The following ST18 variants were observed in gnomAD, a reference collection of about 807,000 sequenced individuals.
ST18 encodes ST18 C2H2C-type zinc finger transcription factor.
ST18 carries 50 observed loss-of-function variants against 110.0 expected under a neutral mutation model. The ratio of observed to expected loss-of-function variants is 0.45; its 90% CI spans 0.36 to 0.58. The LOEUF is 0.58. Among genes scored for constraint, ST18 ranks in the 20% least tolerant of loss-of-function variants. The pLI is 0.00. For synonymous variants in ST18, 461 were observed against 452.4 expected (o/e 1.02, Z -0.24); for missense variants, 1,306 against 1,280.1 (o/e 1.02, Z -0.31).
At chr8:52,209,791 ATATAT>A (rs2081522727) in intron 8 of ST18, among the ~76,000 whole-genome samples, 71 of 42,016 alleles carry the variant, frequency 1.7e-3, no homozygotes, top group African/African-American at 3.7e-3. Flanking sequence ...AAAAAAAAAT[ATATAT>A]ATATATATAT....
chr8:52,198,657 T>C (rs929086103), intron 8 of ST18, among the ~76,000 whole-genome samples: 3 of 152,224 alleles, frequency 2.0e-5, no homozygotes, highest in Non-Finnish European at 4.4e-5. Context: ...TATGTGTATA[T>C]AAATGTATGT....
chr8:52,221,185 G>A (rs1289066715), intron 4 of ST18, among the ~76,000 whole-genome samples: 3 of 151,838 alleles, frequency 2.0e-5, no homozygotes, highest in Non-Finnish European at 4.4e-5. Context: ...TTAGATAAGA[G>A]GGACTCTTAA....
intron 8 of ST18, among the ~76,000 whole-genome samples, chr8:52,189,361 C>T (rs982567405): frequency 6.6e-6 from 1 of 152,130 alleles, no homozygotes; most frequent in Non-Finnish European, 1.5e-5. Context: ...CATTTGAAAG[C>T]CTAGAAAAAC....
At chr8:52,236,059 T>G (rs773463788) in intron 2 of ST18, among the ~76,000 whole-genome samples, 2 of 152,184 alleles carry the variant, frequency 1.3e-5, no homozygotes, top group Non-Finnish European at 2.9e-5. Flanking sequence ...TTGGATTAAA[T>G]AGTGGCAGTG....
rs1158213340 is a variant in ST18 at position 52,113,954 on chromosome 8, G to GTTTTTTTTTTTTTTTTTTTT, written c.3004-636_3004-617dup. On this transcript the variant is annotated intron_variant, in intron 25 of 25. Coordinates refer to ENST00000689386, the MANE Select transcript of ST18 (RefSeq NM_001352837.2). Reference sequence around the variant, plus strand: ...CAAAGTTTAAATTTATTCATACCGTGTTTTTTTTTTTTTTTTTTTTTTTTT... The same window carrying GTTTTTTTTTTTTTTTTTTTT: ...CAAAGTTTAAATTTATTCATACCGTGTTTTTTTTTTTTTTTTTTTTTTTTTTTTTTTTTTTTTTTTTTTTT... 1.5e-4 allele frequency among the ~76,000 whole-genome samples: 7 copies of GTTTTTTTTTTTTTTTTTTTT among 45,442 alleles called. 3 individuals are homozygous for GTTTTTTTTTTTTTTTTTTTT. The highest frequency in any genetic ancestry group is 1.9e-4 in the Non-Finnish European group (5 of 26,492). The allele number at this position is 45,442 out of a possible 152,430, so 29.8% of individuals were successfully genotyped here.
At chr8:52,363,197 C>T (rs891303541) in intron 2 of ST18, among the ~76,000 whole-genome samples, 11 of 151,952 alleles carry the variant, frequency 7.2e-5, no homozygotes, top group South Asian at 6.2e-4. Flanking sequence ...GGCGACAGAG[C>T]GAGACTCCAT....
At position 52,235,500 on chromosome 8, in the gene ST18, G is replaced by A. The variant is rs75315674; in HGVS notation, c.-464-5423C>T. The stretch of plus-strand genomic sequence containing the variant: ...CCAGCTGACTAATTGTTATATTAAC[G>A]AAAAAGGGAACTATGATGATGCCCC... On this transcript the variant is annotated intron_variant, in intron 2 of 25. Transcript: ENST00000689386. 7.9e-5 allele frequency among the ~76,000 whole-genome samples: 12 copies of A among 152,014 alleles called. No individual in the cohort carries two copies. In the East Asian group the frequency reaches 1.2e-3, roughly 15 times the overall value.
At chr8:52,406,337 G>A (rs867432407) in intron 2 of ST18, 19 of 152,278 alleles carry the variant, frequency 1.2e-4, no homozygotes, top group Admixed American at 5.9e-4. Flanking sequence ...TCCAACCATT[G>A]CTTCCCAGTG....
At chr8:52,259,748 G>A (rs1441687071) in intron 2 of ST18, among the ~76,000 whole-genome samples, 1 of 152,130 alleles carries the variant, frequency 6.6e-6, no homozygotes, top group Non-Finnish European at 1.5e-5. Context: ...TAGCCATTGA[G>A]CTAGAATTCA....
chr8:52,201,677 T>G (rs1223612770), intron 8 of ST18, among the ~76,000 whole-genome samples: 1 of 152,238 alleles, frequency 6.6e-6, no homozygotes, highest in Non-Finnish European at 1.5e-5. Context: ...CATCCGTGCC[T>G]GGCTGCCCAG....
chr8:52,178,432 G>A (rs2067767639), intron 9 of ST18, among the ~76,000 whole-genome samples: 2 of 151,430 alleles, frequency 1.3e-5, no homozygotes, highest in African/African-American at 4.9e-5. Context: ...TTTGAGACCA[G>A]CTTAGCCAAC....
chr8:52,364,466 C>T (rs1396033863), intron 2 of ST18, among the ~76,000 whole-genome samples: 1 of 152,056 alleles, frequency 6.6e-6, no homozygotes, highest in Non-Finnish European at 1.5e-5. Context: ...ACGCGGTCAG[C>T]ACACTTGCAG....
At position 52,165,188 on chromosome 8, in the gene ST18, C is replaced by A. The variant is rs371786872; in HGVS notation, c.1242G>T (p.Thr414=). ...AMHENVLKCP[T]PGCTGRGHVN... ...CATGACCCCTTCCTGTGCATCCCGG[C>A]GTGGGACACTTGAGCACATTTTCAT... Residue 414 remains threonine (T), a synonymous_variant, in exon 12 of 26, where the codon ACG becomes ACT. Coordinates refer to ENST00000689386, the MANE Select transcript of ST18 (RefSeq NM_001352837.2). The A allele has an allele frequency of 1.2e-6, 2 of 1,614,138 alleles. No individual in the cohort carries two copies. The highest frequency in any genetic ancestry group is 1.7e-6 in the Non-Finnish European group (2 of 1,180,012).
At chr8:52,126,512 T>C (rs1440232626) in intron 22 of ST18, among the ~76,000 whole-genome samples, 2 of 152,234 alleles carry the variant, frequency 1.3e-5, no homozygotes, top group Non-Finnish European at 2.9e-5. Flanking sequence ...ATAAGAATTG[T>C]TCCCAATTAG....
intron 2 of ST18, among the ~76,000 whole-genome samples, chr8:52,238,238 C>T (rs541619621): frequency 3.9e-5 from 6 of 152,166 alleles, no homozygotes; most frequent in East Asian, 3.9e-4. Flanking sequence ...TGAAAACATG[C>T]GTCTACTTGA....
At position 52,142,901 on chromosome 8, in the gene ST18, TAGAGGG is replaced by T. The variant is rs761745821; in HGVS notation, c.2168+23_2168+28del. ...AACTTGAATCTTCATTCCAGAATCT[TAGAGGG>T]CATGGCATTGGGCACCACTTACGTG... On this transcript the variant is annotated intron_variant, in intron 17 of 25. Transcript: ENST00000689386. The T allele has an allele frequency of 2.1e-6, 3 of 1,457,600 alleles. No individual in the cohort carries two copies. The Admixed American group carries it at 5.1e-5, about 25-fold the overall frequency. The allele number at this position is 1,457,600 out of a possible 1,614,324, so 90.3% of individuals were successfully genotyped here. A position where few individuals can be genotyped will look rare whatever the true frequency, so the allele number is the denominator to read the frequency against.
At chr8:52,389,957 G>C (rs1197596271) in intron 2 of ST18, among the ~76,000 whole-genome samples, 1 of 152,046 alleles carries the variant, frequency 6.6e-6, no homozygotes, top group Non-Finnish European at 1.5e-5. Context: ...ACAACAAAAA[G>C]TTTAATTAAA....
At chr8:52,366,534 A>G (rs78580981) in intron 2 of ST18, among the ~76,000 whole-genome samples, 2,678 of 152,204 alleles carry the variant, frequency 0.018, 77 homozygotes, top group East Asian at 0.14. Flanking sequence ...GTTTTCTCTG[A>G]GGACCTTGGC....
At chr8:52,139,021 G>A (rs1374259560) in intron 17 of ST18, among the ~76,000 whole-genome samples, 1 of 152,052 alleles carries the variant, frequency 6.6e-6, no homozygotes, top group Non-Finnish European at 1.5e-5. Flanking sequence ...TCAAAGGAAT[G>A]TTTGATTTTC....
Sources: allele counts gnomAD v4.1 joint callset (sites outside exome capture counted in the v4.1 genomes callset), GRCh38; gene constraint gnomAD v4.1.1; transcripts MANE v1.5; gene names NCBI Gene and HGNC (gene_info 2026-07-23, HGNC 2026-07-21).